Variants in FHL2 observed in about 807,000 individuals in gnomAD.
The protein encoded by FHL2 is four and a half LIM domains 2.
A neutral mutation model predicts 32.7 loss-of-function variants in FHL2; 20 were observed. The observed-to-expected ratio is 0.61, with a 90% confidence interval of 0.43 to 0.89. The LOEUF is 0.89. FHL2 is among the 40% of genes least tolerant of loss of function. FHL2 has a pLI of 0.00. For synonymous variants in FHL2, 123 were observed against 128.1 expected (o/e 0.96, Z 0.27); for missense variants, 311 against 358.6 (o/e 0.87, Z 1.07).
At chr2:105,422,768 T>G (rs913059548) in intron 1 of FHL2, among the ~76,000 whole-genome samples, 9 of 152,150 alleles carry the variant, frequency 5.9e-5, no homozygotes, top group African/African-American at 1.7e-4. Flanking sequence ...ATTTTATCAA[T>G]TGATTACTTG....
chr2:105,399,150 C>T (rs1230212236), upstream of FHL2: 11 of 1,364,838 alleles, frequency 8.1e-6, no homozygotes, highest in East Asian at 3.4e-4. Flanking sequence ...GCGTGGGGCG[C>T]GGGGGGCGGG....
intron 1 of FHL2, among the ~76,000 whole-genome samples, chr2:105,411,538 G>GTTTTTT (rs9308884): frequency 1.2e-5 from 1 of 81,150 alleles, no homozygotes; most frequent in Admixed American, 1.8e-4. Context: ...TGAACTTAGG[G>GTTTTTT]TTTTTTTTTT....
chr2:105,388,846 T>C (rs116780072), intron 2 of FHL2, among the ~76,000 whole-genome samples: 5,523 of 143,904 alleles, frequency 0.038, 141 homozygotes, highest in East Asian at 0.084. Flanking sequence ...AAAAAAAAAA[T>C]AGGTACACTG....
chr2:105,386,126 A>G, intron 3 of FHL2: 1 of 476,518 alleles, frequency 2.1e-6, no homozygotes, highest in Non-Finnish European at 3.7e-6. Flanking sequence ...CAGAAAATGT[A>G]CTTAGAGATA....
chr2:105,386,506 C>A lies in FHL2; in HGVS notation c.11G>T (p.Arg4Leu), dbSNP rs369109946. 6.2e-7 allele frequency: 1 copy of A among 1,614,134 alleles called. No homozygotes were observed. The highest frequency in any genetic ancestry group is 1.7e-5 in the Admixed American group (1 of 60,020). The change falls in exon 3 of 7, where the codon CGC becomes CTC. Residue 4 changes from arginine to leucine, a missense_variant. By Grantham distance (102) the Arg-to-Leu change is moderately radical. Transcript: ENST00000530340. Reference sequence around the variant, plus strand: ...TTCGTTGCAATGGTGGCAGTCAAAGCGCTCAGTCATTTTGACTCCTGGCTT... The same window carrying A: ...TTCGTTGCAATGGTGGCAGTCAAAGAGCTCAGTCATTTTGACTCCTGGCTT... MTERFDCHHCNESL... is the reference protein window; with the variant it reads MTELFDCHHCNESL...
rs745881206 is a variant in FHL2, at chr2:105,398,926, C to T, written c.-160G>A. 45 of 1,538,860 alleles carry T rather than the reference C, an allele frequency of 2.9e-5. 1 individual carries two copies. Among genetic ancestry groups the T allele is most frequent in the Admixed American group, 1.2e-4 (6 of 49,480 alleles). Reference sequence around the variant, plus strand: ...CCACTTCCGAGCCCTGGTGGCTAAGCCCCTCGGCCTCCCTCCGGGGCGCAG... The same window carrying T: ...CCACTTCCGAGCCCTGGTGGCTAAGTCCCTCGGCCTCCCTCCGGGGCGCAG... On this transcript the variant is annotated 5_prime_UTR_variant, in exon 1 of 7. Transcript: ENST00000530340.
chr2:105,408,658 A>T (rs1464856830), intron 1 of FHL2, among the ~76,000 whole-genome samples: 3 of 152,252 alleles, frequency 2.0e-5, no homozygotes, highest in African/African-American at 7.2e-5. Context: ...GCAGACAGTT[A>T]GTGAGCATAC....
chr2:105,369,311 C>A (rs1489804407), intron 4 of FHL2, among the ~76,000 whole-genome samples: 1 of 152,166 alleles, frequency 6.6e-6, no homozygotes, highest in East Asian at 1.9e-4. Flanking sequence ...GCCCCAAAAT[C>A]TTATGGTCCC....
upstream of FHL2, among the ~76,000 whole-genome samples, chr2:105,403,764 A>C (rs1196445046): frequency 6.6e-6 from 1 of 152,206 alleles, no homozygotes; most frequent in East Asian, 1.9e-4. Flanking sequence ...GGGACAGGGA[A>C]ATAGAGATAG....
chr2:105,371,392 A>C (rs542664166), intron 4 of FHL2, among the ~76,000 whole-genome samples: 85 of 152,196 alleles, frequency 5.6e-4, no homozygotes, highest in Non-Finnish European at 1.1e-3. Context: ...CAATAGACAC[A>C]CCCTGCCTGA....
At chr2:105,384,026 G>A (rs1489311295) in intron 3 of FHL2, among the ~76,000 whole-genome samples, 1 of 152,190 alleles carries the variant, frequency 6.6e-6, no homozygotes, top group Non-Finnish European at 1.5e-5. Flanking sequence ...CATAAAACAT[G>A]CGTGGAAGGA....
chr2:105,400,159 G>A (rs1053147447), upstream of FHL2, among the ~76,000 whole-genome samples: 1 of 152,070 alleles, frequency 6.6e-6, no homozygotes, highest in Non-Finnish European at 1.5e-5. Flanking sequence ...CCAGATTTAC[G>A]GTGAGGAAAG....
intron 1 of FHL2, among the ~76,000 whole-genome samples, chr2:105,405,164 T>A (rs980399470): frequency 2.0e-5 from 3 of 152,220 alleles, no homozygotes; most frequent in African/African-American, 7.2e-5. Context: ...TTGTCTCTGA[T>A]TTCAGTCCTT....
chr2:105,422,495 T>C (rs1262236390), intron 1 of FHL2, among the ~76,000 whole-genome samples: 1 of 152,142 alleles, frequency 6.6e-6, no homozygotes, highest in Non-Finnish European at 1.5e-5. Flanking sequence ...CTTGGTTTAA[T>C]TTACTTTTTC....
intron 3 of FHL2, among the ~76,000 whole-genome samples, chr2:105,385,281 T>C (rs932942478): frequency 3.1e-4 from 47 of 152,208 alleles, no homozygotes; most frequent in African/African-American, 1.0e-3. Context: ...CAGAAAGTGA[T>C]GGTGCAGCCT....
At chr2:105,407,770 G>A (rs1361162037) in intron 1 of FHL2, among the ~76,000 whole-genome samples, 2 of 152,094 alleles carry the variant, frequency 1.3e-5, no homozygotes, top group Admixed American at 6.6e-5. Context: ...CTAGTGAGGG[G>A]CTTCTTCTCC....
intron 1 of FHL2, among the ~76,000 whole-genome samples, chr2:105,397,236 G>T (rs748418611): frequency 1.3e-5 from 2 of 152,052 alleles, no homozygotes; most frequent in Non-Finnish European, 2.9e-5. Flanking sequence ...AAGCTGCCTG[G>T]GGTCAGATCT....
At chr2:105,431,671 A>G (rs1355672572) in intron 1 of FHL2, among the ~76,000 whole-genome samples, 1 of 152,202 alleles carries the variant, frequency 6.6e-6, no homozygotes, top group Non-Finnish European at 1.5e-5. Context: ...TTAGGATTTT[A>G]TTTTGACTTG....
intron 1 of FHL2, among the ~76,000 whole-genome samples, chr2:105,428,876 G>C (rs903122536): frequency 1.3e-5 from 2 of 152,212 alleles, no homozygotes; most frequent in Admixed American, 1.3e-4. Flanking sequence ...GGCATGTCAT[G>C]GCCTGTCCCC....
Sources: gnomAD v4.1 joint callset for allele counts (sites outside exome capture counted in the v4.1 genomes callset) on GRCh38, gnomAD v4.1.1 for gene constraint, MANE v1.5 for transcripts, NCBI Gene and HGNC (gene_info 2026-07-23, HGNC 2026-07-21) for gene names.